Variants in KSR2 observed in about 807,000 individuals in gnomAD.
KSR2 encodes the protein kinase suppressor of ras 2.
KSR2 carries 25 observed loss-of-function variants against 107.8 expected under a neutral mutation model. The observed-to-expected ratio is 0.23, with a 90% CI of 0.17 to 0.32. KSR2 has a LOEUF of 0.32. Ranked by LOEUF, KSR2 falls within the 10% of genes least tolerant of loss-of-function variation. The probability of loss-of-function intolerance (pLI) is 1.00; values close to 1 mark genes in which losing one functional copy is unlikely to be tolerated. For synonymous variants in KSR2, 480 were observed against 507.0 expected (o/e 0.95, Z 0.71); for missense variants, 887 against 1,268.9 (o/e 0.70, Z 4.57).
At chr12:117,603,202 C>T (rs1169855291) in intron 5 of KSR2, among the ~76,000 whole-genome samples, 2 of 141,516 alleles carry the variant, frequency 1.4e-5, no homozygotes, top group Non-Finnish European at 3.1e-5. Flanking sequence ...AATTTTTCAG[C>T]CACCTTAGCA....
rs981475944 is a variant in KSR2 at position 117,940,943 on chromosome 12, G to A, written c.180+27133C>T. The stretch of plus-strand genomic sequence containing the variant: ...TCTACTAAAAATACAAAAATTAGCC[G>A]GGCATGGTGGTGGTTACCTGTAATT... On this transcript the variant is annotated intron_variant, in intron 1 of 19. Coordinates refer to ENST00000339824, the MANE Select transcript of KSR2 (RefSeq NM_173598.6). 4.6e-5 allele frequency among the ~76,000 whole-genome samples: 7 copies of A among 152,046 alleles called. 1 individual carries two copies. Among genetic ancestry groups the A allele is most frequent in the Non-Finnish European group, 7.4e-5 (5 of 67,978 alleles).
At chr12:117,647,954 C>T (rs1467941049) in intron 5 of KSR2, among the ~76,000 whole-genome samples, 1 of 152,138 alleles carries the variant, frequency 6.6e-6, no homozygotes, top group Non-Finnish European at 1.5e-5. Context: ...AGCAATCCTC[C>T]TGCTTTGGCC....
intron 1 of KSR2, among the ~76,000 whole-genome samples, chr12:117,884,050 G>A (rs369159004): frequency 3.1e-4 from 47 of 152,144 alleles, no homozygotes; most frequent in African/African-American, 6.5e-4. Flanking sequence ...AAATAATGCC[G>A]TTTGTCCTGC....
chr12:117,852,809 G>T (rs959322809), intron 3 of KSR2, among the ~76,000 whole-genome samples: 2 of 151,892 alleles, frequency 1.3e-5, no homozygotes, highest in Non-Finnish European at 2.9e-5. Context: ...TTTTGTTGTT[G>T]TTTTTTGTTT....
chr12:117,531,838 C>T lies in KSR2; in HGVS notation c.1688-131G>A, dbSNP rs79924003. On this transcript the variant is annotated intron_variant, in intron 10 of 19. Transcript: ENST00000339824. Reference sequence around the variant, plus strand: ...TCAAGAGTTTCCATACTTCTGCAGACATCCCTGCAGACAAGGGACTGCAAA... The same window carrying T: ...TCAAGAGTTTCCATACTTCTGCAGATATCCCTGCAGACAAGGGACTGCAAA... The T allele has an allele frequency of 2.2e-3, 1,347 of 603,762 alleles. 23 individuals are homozygous for T. In the African/African-American group the frequency reaches 0.024, roughly 11 times the overall value. 37.4% of individuals were successfully genotyped at this position (603,762 alleles called of 1,614,324 possible).
chr12:117,728,359 C>A (rs1472419331), intron 4 of KSR2, among the ~76,000 whole-genome samples: 3 of 152,230 alleles, frequency 2.0e-5, no homozygotes, highest in Non-Finnish European at 4.4e-5. Context: ...CAACTTCTGT[C>A]ATTTTGTTAC....
At chr12:117,564,516 T>C (rs1878335090) in intron 7 of KSR2, among the ~76,000 whole-genome samples, 1 of 152,226 alleles carries the variant, frequency 6.6e-6, no homozygotes, top group Admixed American at 6.5e-5. Flanking sequence ...TGGCAAATAG[T>C]TAACTTCTTT....
chr12:117,849,310 C>T (rs1336403630), intron 3 of KSR2, among the ~76,000 whole-genome samples: 2 of 152,288 alleles, frequency 1.3e-5, no homozygotes, highest in Admixed American at 6.5e-5. Context: ...CCCAGCCCCC[C>T]ACACTAGAAA....
chr12:117,580,164 C>T (rs1034266472), intron 6 of KSR2, among the ~76,000 whole-genome samples: 3 of 152,146 alleles, frequency 2.0e-5, no homozygotes, highest in Non-Finnish European at 4.4e-5. Flanking sequence ...TCTGCTGGAC[C>T]GTTTTGCCTG....
At chr12:117,559,989 G>T (rs1015668297) in intron 7 of KSR2, among the ~76,000 whole-genome samples, 2 of 152,174 alleles carry the variant, frequency 1.3e-5, no homozygotes, top group Admixed American at 6.5e-5. Context: ...ATTAAACTCA[G>T]AAGTAGGAAC....
chr12:117,481,304 AC>A (rs1421478270), intron 16 of KSR2, among the ~76,000 whole-genome samples: 3 of 151,914 alleles, frequency 2.0e-5, no homozygotes, highest in Non-Finnish European at 4.4e-5. Flanking sequence ...TGAACCCCTA[AC>A]CCCCAATTTG....
intron 1 of KSR2, among the ~76,000 whole-genome samples, chr12:117,936,533 T>TTAGTAGTAGTAG (rs60536021): frequency 4.5e-4 from 54 of 119,674 alleles, no homozygotes; most frequent in Middle Eastern, 4.0e-3. Flanking sequence ...ATTATTATTA[T>TTAGTAGTAGTAG]TAGTAGTAGT....
At chr12:117,876,553 G>A (rs901043966) in intron 1 of KSR2, among the ~76,000 whole-genome samples, 1 of 152,102 alleles carries the variant, frequency 6.6e-6, no homozygotes, top group Non-Finnish European at 1.5e-5. Flanking sequence ...ATAGAAAAAA[G>A]GGTTTATATA....
intron 4 of KSR2, among the ~76,000 whole-genome samples, chr12:117,671,349 T>C (rs1884898834): frequency 6.6e-6 from 1 of 152,142 alleles, no homozygotes; most frequent in Non-Finnish European, 1.5e-5. Flanking sequence ...GATAGATAGA[T>C]AGATAGACAG....
intron 14 of KSR2, among the ~76,000 whole-genome samples, chr12:117,500,051 G>A (rs1388677034): frequency 2.0e-5 from 3 of 152,198 alleles, no homozygotes; most frequent in Non-Finnish European, 4.4e-5. Flanking sequence ...AAGATAAGGA[G>A]ATGGGGAGGG....
intron 1 of KSR2, among the ~76,000 whole-genome samples, chr12:117,911,969 G>A (rs375275803): frequency 5.9e-5 from 9 of 152,216 alleles, no homozygotes; most frequent in African/African-American, 1.9e-4. Flanking sequence ...TCCAAAGGAC[G>A]TGAATCCTCA....
At chr12:117,854,287 G>A (rs1434547719) in intron 3 of KSR2, among the ~76,000 whole-genome samples, 7 of 152,196 alleles carry the variant, frequency 4.6e-5, no homozygotes, top group Admixed American at 2.0e-4. Flanking sequence ...GATTACAGGC[G>A]TGAGCCAGTG....
chr12:117,633,471 T>C (rs1882904681), intron 5 of KSR2, among the ~76,000 whole-genome samples: 2 of 152,236 alleles, frequency 1.3e-5, no homozygotes, highest in South Asian at 4.1e-4. Context: ...ACCGTGTGCC[T>C]TAAAACAACA....
intron 3 of KSR2, among the ~76,000 whole-genome samples, chr12:117,835,348 A>C (rs1892159495): frequency 6.6e-6 from 1 of 152,150 alleles, no homozygotes; most frequent in Admixed American, 6.5e-5. Flanking sequence ...GTGGTATATC[A>C]CGGTTCCTCG....
Sources: allele counts gnomAD v4.1 joint callset (sites outside exome capture counted in the v4.1 genomes callset), GRCh38; gene constraint gnomAD v4.1.1; transcripts MANE v1.5; gene names NCBI Gene and HGNC (gene_info 2026-07-23, HGNC 2026-07-21).